MZB1: variants seen among roughly 807,000 people sequenced by gnomAD.
The protein encoded by MZB1 is marginal zone B- and B1-cell-specific protein.
In MZB1, 10 loss-of-function variants were observed where a neutral mutation model predicts 17.2. The observed-to-expected ratio is 0.58, with a 90% confidence interval of 0.36 to 0.98. The LOEUF is 0.98. Ranked by LOEUF, MZB1 falls within the 50% of genes least tolerant of loss-of-function variation. MZB1 has a pLI of 0.01. For synonymous variants in MZB1, 99 were observed against 98.7 expected (o/e 1.00, Z -0.02); for missense variants, 246 against 237.5 (o/e 1.04, Z -0.23).
Position 139,387,789 on chromosome 5 carries a change from C to T in MZB1, c.546G>A (p.Val182=), listed in dbSNP as rs756702492. 1 of 1,553,930 alleles carries T rather than the reference C, an allele frequency of 6.4e-7. No homozygotes were observed. The highest frequency in any genetic ancestry group is 8.6e-7 in the Non-Finnish European group (1 of 1,158,060). Residue 182 remains valine (V), a synonymous_variant, in exon 4 of 4, where the codon GTG becomes GTA. Coordinates refer to ENST00000302125, the MANE Select transcript of MZB1 (RefSeq NM_016459.4). ...ACTAGAGCTCTTCTCTTGTGGCTGA[C>T]ACCTTCTCTGAGCAGGCCCCCTGGG... ...GGPQGACSEK[V]SATREEL
chr5:139,388,657 G>A (rs1233936387), intron 1 of MZB1, 72 bp from the exon 2 acceptor site: 2 of 1,562,378 alleles, frequency 1.3e-6, no homozygotes, highest in East Asian at 2.3e-5. Flanking sequence ...GGGAGGATAG[G>A]AGCAGAGTCT....
chr5:139,388,057 A>T lies in MZB1; in HGVS notation c.377T>A (p.Ile126Asn), dbSNP rs533138763. 6 of 1,554,732 alleles carry T rather than the reference A, an allele frequency of 3.9e-6. No individual in the cohort carries two copies. Among genetic ancestry groups the T allele is most frequent in the South Asian group, 3.6e-5 (3 of 84,420 alleles). ...PGLSEGPEPSISVMVTGGPWP... is the reference protein window; with the variant it reads ...PGLSEGPEPSNSVMVTGGPWP... ...GGGGCCCCCTGTGACCATCACGCTG[A>T]TGCTTGGCTCTGGCCCCTCGCTAAG... The change falls in exon 3 of 4, where the codon ATC becomes AAC. Residue 126 changes from isoleucine to asparagine, a missense_variant. Physicochemically the swap from Ile to Asn is moderately radical, Grantham distance 149 (BLOSUM62 -3). Transcript: ENST00000302125.
Position 139,387,715 on chromosome 5 carries a change from G to C in MZB1, c.*50C>G, listed in dbSNP as rs1487610912. The C allele has an allele frequency of 2.7e-6, 4 of 1,476,828 alleles. No homozygotes were observed. The highest frequency in any genetic ancestry group is 2.9e-5 in the African/African-American group (2 of 69,976). 91.5% of individuals were successfully genotyped at this position (1,476,828 alleles called of 1,614,324 possible). A position where few individuals can be genotyped will look rare whatever the true frequency, so the allele number is the denominator to read the frequency against. ...CTGGCTGCCTGCAGACGGGAGTGGA[G>C]ACCGTCAGAGCAAGCCCCAGCTTCT... On this transcript the variant is annotated 3_prime_UTR_variant, in exon 4 of 4. Coordinates refer to ENST00000302125, the MANE Select transcript of MZB1 (RefSeq NM_016459.4).
At chr5:139,389,202 G>C in intron 1 of MZB1, 1 of 316,160 alleles carries the variant, frequency 3.2e-6, no homozygotes, top group Non-Finnish European at 6.2e-6. Context: ...ACAAGAGCAA[G>C]GTAAGAAAAA....
chr5:139,388,480 A>G lies in MZB1; in HGVS notation c.283T>C (p.Cys95Arg). 6.2e-7 allele frequency: 1 copy of G among 1,605,196 alleles called. No individual in the cohort carries two copies. Among genetic ancestry groups the G allele is most frequent in the South Asian group, 1.1e-5 (1 of 89,140 alleles). ...LVYTDVLDRS[C>R]SRNWQDYGVR... is the part of the protein sequence containing the mutation. ...ACTCACTCCTGCCAGTTCCGGGAGC[A>G]GCTCCGGTCCAGGACATCCGTGTAG... The change falls in exon 2 of 4, where the codon TGC becomes CGC. Residue 95 changes from cysteine to arginine, a missense_variant. By Grantham distance (180) the Cys-to-Arg change is radical. Transcript: ENST00000302125.
chr5:139,388,737 C>A, intron 1 of MZB1, 152 bp from the exon 2 acceptor site: 1 of 1,274,314 alleles, frequency 7.8e-7, no homozygotes, highest in Non-Finnish European at 1.0e-6. Context: ...CATGGCCCCT[C>A]CCCCAGCCCC....
Position 139,388,143 on chromosome 5 carries a change from G to C in MZB1, c.303-12C>G, listed in dbSNP as rs1040380806. On this transcript the variant is annotated splice_polypyrimidine_tract_variant and intron_variant, in intron 2 of 3. Transcript: ENST00000302125. ...CTCGAACTCCGTAGCTGGTGGCAGTGGAGAGGAGAGGAGTACAGTTTTGGC... is the reference window on the plus strand; with the variant it reads ...CTCGAACTCCGTAGCTGGTGGCAGTCGAGAGGAGAGGAGTACAGTTTTGGC... 1.9e-6 allele frequency: 3 copies of C among 1,548,320 alleles called. No homozygotes were observed. The highest frequency in any genetic ancestry group is 2.6e-6 in the Non-Finnish European group (3 of 1,145,876).
chr5:139,387,918 G>A lies in MZB1; in HGVS notation c.417C>T (p.Leu139=). The part of the protein sequence containing the change: ...MVTGGPWPTR[L]SRTCLHYLGE... ...CCAAGTAGTGCAAACATGTCCTGGA[G>A]AGCCTAGGGGAGCCCAGCAGGAGCC... The change falls in exon 4 of 4, where the codon CTC becomes CTT. Residue 139 remains leucine, a synonymous_variant. Coordinates refer to ENST00000302125, the MANE Select transcript of MZB1 (RefSeq NM_016459.4). 1 of 1,573,470 alleles carries A rather than the reference G, an allele frequency of 6.4e-7. No individual in the cohort carries two copies. The highest frequency in any genetic ancestry group is 1.2e-5 in the South Asian group (1 of 84,118).
Position 139,387,905 on chromosome 5 carries a change from A to G in MZB1, c.430T>C (p.Leu144=). Residue 144 remains leucine, a synonymous_variant, in exon 4 of 4, where the codon TTG becomes CTG. Transcript: ENST00000302125. ...TCTCCAAACTCCCCCAAGTAGTGCA[A>G]ACATGTCCTGGAGAGCCTAGGGGAG... The part of the protein sequence containing the change: ...PWPTRLSRTC[L]HYLGEFGEDQ... 3 of 1,586,594 alleles carry G rather than the reference A, an allele frequency of 1.9e-6. No individual in the cohort carries two copies. Among genetic ancestry groups the G allele is most frequent in the Non-Finnish European group, 2.6e-6 (3 of 1,169,414 alleles).
At chr5:139,388,399 A>C in intron 2 of MZB1, 62 bp downstream of exon 2, 1 of 1,512,190 alleles carries the variant, frequency 6.6e-7, no homozygotes, top group Non-Finnish European at 9.0e-7. Context: ...GCTGAGTGGG[A>C]ATCTCCACCC....
At position 139,389,834 on chromosome 5, in the gene MZB1, A is replaced by G; in HGVS notation, c.23T>C (p.Leu8Pro). 1.3e-6 allele frequency: 2 copies of G among 1,547,818 alleles called. No individual in the cohort carries two copies. Among genetic ancestry groups the G allele is most frequent in the South Asian group, 1.2e-5 (1 of 84,032 alleles). Residue 8 changes from leucine (L) to proline (P), a missense_variant, in exon 1 of 4, where the codon CTG becomes CCG. Physicochemically the swap from Leu to Pro is moderately conservative, Grantham distance 98. Transcript: ENST00000302125. ...GGCCCAGGCTCCCAGCAGCAGCAGC[A>G]GCAGTGGCAGTGACAGCCTCATGGC... MRLSLPLLLLLLGAWAIP... is the reference protein window; with the variant it reads MRLSLPLPLLLLGAWAIP...
chr5:139,389,682 G>GGTAA lies in MZB1; in HGVS notation c.171_174dup (p.Gln59LeufsTer62). The GGTAA allele has an allele frequency of 2.5e-6, 4 of 1,588,366 alleles. No homozygotes were observed. The highest frequency in any genetic ancestry group is 2.7e-5 in the African/African-American group (2 of 74,504). On this transcript the variant is annotated frameshift_variant, in exon 1 of 4. Transcript: ENST00000302125. LOFTEE classifies it high-confidence loss of function. ...GGTGACAGTGGTGAAGGACTCACCTGGTAAGCCACAGCTCTGCAGGCATCA... is the reference window on the plus strand; with the variant it reads ...GGTGACAGTGGTGAAGGACTCACCTGGTAAGTAAGCCACAGCTCTGCAGGCATCA...
At chr5:139,388,387 C>G in intron 2 of MZB1, 74 bp downstream of exon 2, 1 of 1,450,016 alleles carries the variant, frequency 6.9e-7, no homozygotes, top group South Asian at 1.3e-5. Flanking sequence ...GTTGTGTGAG[C>G]GGCTGAGTGG....
In MZB1 at chr5:139,388,138, GC is replaced by G. The variant is rs1265561331; in HGVS notation, c.303-8del. Reference sequence around the variant, plus strand: ...CACTTCTCGAACTCCGTAGCTGGTGGCAGTGGAGAGGAGAGGAGTACAGTTT... The same window carrying G: ...CACTTCTCGAACTCCGTAGCTGGTGGAGTGGAGAGGAGAGGAGTACAGTTT... On this transcript the variant is annotated splice_region_variant and splice_polypyrimidine_tract_variant and intron_variant, in intron 2 of 3. Transcript: ENST00000302125. 33 of 1,549,688 alleles carry G rather than the reference GC, an allele frequency of 2.1e-5. No individual in the cohort carries two copies. The East Asian group carries it at 8.1e-4, about 38-fold the overall frequency.
Position 139,387,718 on chromosome 5 carries a change from C to T in MZB1, c.*47G>A, listed in dbSNP as rs540251869. The T allele has an allele frequency of 1.1e-5, 17 of 1,480,404 alleles. No individual in the cohort carries two copies. The highest frequency in any genetic ancestry group is 5.3e-5 in the Admixed American group (2 of 38,008). The allele number at this position is 1,480,404 out of a possible 1,614,324, so 91.7% of individuals were successfully genotyped here. A position where few individuals can be genotyped will look rare whatever the true frequency, so the allele number is the denominator to read the frequency against. ...GCTGCCTGCAGACGGGAGTGGAGAC[C>T]GTCAGAGCAAGCCCCAGCTTCTTTC... On this transcript the variant is annotated 3_prime_UTR_variant, in exon 4 of 4. Transcript: ENST00000302125.
At chr5:139,388,214 T>A (rs1401951868) in intron 2 of MZB1, 83 bp from the exon 3 acceptor site, 2 of 1,334,356 alleles carry the variant, frequency 1.5e-6, no homozygotes, top group African/African-American at 2.9e-5. Flanking sequence ...AAGCTGGACA[T>A]GCTGGGCATT....
rs745969885 is a variant in MZB1, at chr5:139,388,474, G to A, written c.289C>T (p.Arg97Trp). ...YTDVLDRSCS[R>W]NWQDYGVREV... Reference sequence around the variant, plus strand: ...TTGGCAACTCACTCCTGCCAGTTCCGGGAGCAGCTCCGGTCCAGGACATCC... The same window carrying A: ...TTGGCAACTCACTCCTGCCAGTTCCAGGAGCAGCTCCGGTCCAGGACATCC... The change falls in exon 2 of 4, where the codon CGG (arginine) becomes TGG (tryptophan). Residue 97 changes from arginine to tryptophan, a missense_variant. Arg to Trp is a moderately radical substitution (Grantham distance 101). Transcript: ENST00000302125. 4.4e-6 allele frequency: 7 copies of A among 1,604,404 alleles called. No homozygotes were observed. In the Admixed American group the frequency reaches 8.5e-5, roughly 20 times the overall value.
chr5:139,387,726 C>A lies in MZB1; in HGVS notation c.*39G>T. On this transcript the variant is annotated 3_prime_UTR_variant, in exon 4 of 4. Transcript: ENST00000302125. ...CAGACGGGAGTGGAGACCGTCAGAG[C>A]AAGCCCCAGCTTCTTTCAGAGGAGG... 3 of 1,487,964 alleles carry A rather than the reference C, an allele frequency of 2.0e-6. No individual in the cohort carries two copies. The South Asian group carries it at 4.4e-5, about 22-fold the overall frequency. The allele number at this position is 1,487,964 out of a possible 1,614,324, so 92.2% of individuals were successfully genotyped here.
chr5:139,388,490 CAGG>C lies in MZB1; in HGVS notation c.270_272del (p.Leu91del), dbSNP rs1358596167. The stretch of plus-strand genomic sequence containing the variant: ...GCCAGTTCCGGGAGCAGCTCCGGTC[CAGG>C]ACATCCGTGTAGACCAACTCGCTCA... On this transcript the variant is annotated inframe_deletion, in exon 2 of 4. Transcript: ENST00000302125. 2.5e-6 allele frequency: 4 copies of C among 1,605,744 alleles called. No individual in the cohort carries two copies. Among genetic ancestry groups the C allele is most frequent in the Non-Finnish European group, 2.6e-6 (3 of 1,176,350 alleles).
Sources: allele counts gnomAD v4.1 joint callset, GRCh38; gene constraint gnomAD v4.1.1; transcripts MANE v1.5; gene names NCBI Gene and HGNC (gene_info 2026-07-23, HGNC 2026-07-21).